Variants in TNKS observed in about 807,000 individuals in gnomAD.
TNKS encodes the protein tankyrase.
Under a neutral mutation model 135.8 loss-of-function variants are expected in TNKS, and 72 were observed. The ratio of observed to expected loss-of-function variants is 0.53; its 90% CI spans 0.44 to 0.64. The LOEUF (loss-of-function observed/expected upper bound fraction) is 0.64. Ranked by LOEUF, TNKS falls within the 30% of genes least tolerant of loss-of-function variation. The pLI, the probability that TNKS is intolerant of heterozygous loss-of-function variation, is 0.00. For synonymous variants in TNKS, 849 were observed against 649.3 expected (o/e 1.31, Z -4.68); for missense variants, 1,769 against 1,674.0 (o/e 1.06, Z -0.99).
At position 9,733,337 on chromosome 8, in the gene TNKS, T is replaced by C; in HGVS notation, c.2206T>C (p.Leu736=). The C allele has an allele frequency of 6.2e-7, 1 of 1,607,862 alleles. No individual in the cohort carries two copies. Among genetic ancestry groups the C allele is most frequent in the Non-Finnish European group, 8.5e-7 (1 of 1,178,276 alleles). Reference sequence around the variant, plus strand: ...TGGACACTATGAGGTGGCTGAGCTTTTAGTAAGGCATGGGGCTTCTGTCAA... The same window carrying C: ...TGGACACTATGAGGTGGCTGAGCTTCTAGTAAGGCATGGGGCTTCTGTCAA... ...SYGHYEVAEL[L]VRHGASVNVA... is the part of the protein sequence containing the mutation. The change falls in exon 15 of 27, where the codon TTA becomes CTA. Residue 736 remains leucine, a synonymous_variant. Coordinates refer to ENST00000310430, the MANE Select transcript of TNKS (RefSeq NM_003747.3).
At chr8:9,643,440 G>A (rs575406332) in intron 3 of TNKS, among the ~76,000 whole-genome samples, 5 of 113,600 alleles carry the variant, frequency 4.4e-5, no homozygotes, top group Admixed American at 1.1e-4. Flanking sequence ...TGGCTTCTGC[G>A]ATAATAGCAT....
rs749980147 is a variant in TNKS at position 9,733,363 on chromosome 8, T to C, written c.2232T>C (p.Asn744=). Residue 744 remains asparagine, a synonymous_variant, in exon 15 of 27, where the codon AAT becomes AAC. Transcript: ENST00000310430. ...TAGTAAGGCATGGGGCTTCTGTCAA[T>C]GTGGCGGACTTATGGAAATTTACCC... ...ELLVRHGASV[N]VADLWKFTPL... is the part of the protein sequence containing the mutation. The C allele has an allele frequency of 1.3e-5, 21 of 1,612,962 alleles. No individual in the cohort carries two copies. Among genetic ancestry groups the C allele is most frequent in the South Asian group, 3.3e-5 (3 of 90,846 alleles).
chr8:9,575,324 A>T (rs1797906614), intron 1 of TNKS: 1 of 863,240 alleles, frequency 1.2e-6, no homozygotes, highest in African/African-American at 1.8e-5. Context: ...TGACCTCGTG[A>T]TCCGCCTGCT....
chr8:9,761,977 C>T (rs1202970906), intron 21 of TNKS, among the ~76,000 whole-genome samples: 1 of 152,214 alleles, frequency 6.6e-6, no homozygotes, highest in Non-Finnish European at 1.5e-5. Context: ...CTTCCTGCTT[C>T]CTTCCAGTAC....
intron 12 of TNKS, among the ~76,000 whole-genome samples, chr8:9,724,977 A>G (rs889093650): frequency 5.3e-5 from 4 of 75,318 alleles, no homozygotes; most frequent in Non-Finnish European, 1.4e-4. Flanking sequence ...TACATAAACA[A>G]TTGTCTCTTT....
At chr8:9,741,910 T>C (rs1271041605) in intron 17 of TNKS, 1 of 230,080 alleles carries the variant, frequency 4.3e-6, no homozygotes, top group Non-Finnish European at 9.8e-6. Context: ...CCCCTTCTCC[T>C]TTTCTAACTC....
chr8:9,601,210 T>C (rs182791330), intron 2 of TNKS, among the ~76,000 whole-genome samples: 1 of 152,338 alleles, frequency 6.6e-6, no homozygotes, highest in East Asian at 1.9e-4. Flanking sequence ...TAAATATTCC[T>C]GTTGTTAAGG....
At chr8:9,642,919 G>C (rs1800775964) in intron 3 of TNKS, among the ~76,000 whole-genome samples, 1 of 146,044 alleles carries the variant, frequency 6.8e-6, no homozygotes, top group Non-Finnish European at 1.5e-5. Context: ...TTGTTATAAA[G>C]TAACTGATTA....
intron 21 of TNKS, among the ~76,000 whole-genome samples, chr8:9,762,862 G>A (rs146228171): frequency 1.3e-5 from 2 of 149,820 alleles, no homozygotes; most frequent in Admixed American, 6.7e-5. Context: ...CCGAGATCAC[G>A]TCACTGCACT....
chr8:9,620,401 C>T (rs1435226616), intron 3 of TNKS, among the ~76,000 whole-genome samples: 1 of 152,194 alleles, frequency 6.6e-6, no homozygotes. Context: ...GCAGTAGCCT[C>T]ATAATGGATC....
At chr8:9,695,758 G>C (rs1304843923) in intron 5 of TNKS, among the ~76,000 whole-genome samples, 1 of 152,172 alleles carries the variant, frequency 6.6e-6, no homozygotes. Flanking sequence ...GAAGTGATTG[G>C]ATTCTGGATA....
chr8:9,597,743 A>G (rs1001202048), intron 2 of TNKS, among the ~76,000 whole-genome samples: 2 of 152,192 alleles, frequency 1.3e-5, no homozygotes, highest in Non-Finnish European at 2.9e-5. Context: ...AAGAGACATC[A>G]CAGTTGCTGT....
At chr8:9,601,137 CAG>C (rs989210682) in intron 2 of TNKS, among the ~76,000 whole-genome samples, 1 of 152,106 alleles carries the variant, frequency 6.6e-6, no homozygotes, top group Non-Finnish European at 1.5e-5. Flanking sequence ...AATACTAAAA[CAG>C]TGTAGAAATG....
intron 1 of TNKS, among the ~76,000 whole-genome samples, chr8:9,574,583 A>C (rs1302049990): frequency 1.3e-5 from 2 of 152,184 alleles, no homozygotes; most frequent in Non-Finnish European, 2.9e-5. Context: ...ATGGTTTCCC[A>C]CATACTTACA....
intron 2 of TNKS, 105 bp downstream of exon 2, chr8:9,580,488 C>A: frequency 1.0e-6 from 1 of 995,008 alleles, no homozygotes; most frequent in Non-Finnish European, 1.5e-6. Context: ...GGGTTTATTG[C>A]TTCTTGTAGA....
rs1330212795 is a variant in TNKS, at chr8:9,779,735, A to C, written c.*2999A>C. On this transcript the variant is annotated 3_prime_UTR_variant, in exon 27 of 27. Coordinates refer to ENST00000310430, the MANE Select transcript of TNKS (RefSeq NM_003747.3). ...TGTATCACAACCAGGAATGGGTATT[A>C]GGCCTCATGCGCTTTGCTCAGAACA... 6 of 152,238 alleles carry C rather than the reference A, an allele frequency of 3.9e-5. No individual in the cohort carries two copies. In the East Asian group the frequency reaches 1.2e-3, roughly 29 times the overall value. The allele number at this position is 152,238 out of a possible 1,614,324, so 9.4% of individuals were successfully genotyped here.
chr8:9,664,914 G>A (rs1801918541), intron 3 of TNKS, among the ~76,000 whole-genome samples: 1 of 152,132 alleles, frequency 6.6e-6, no homozygotes, highest in Non-Finnish European at 1.5e-5. Flanking sequence ...CCTATGTGCT[G>A]TCTGCCATTA....
At chr8:9,558,137 A>G (rs972774644) in intron 1 of TNKS, 1 of 152,236 alleles carries the variant, frequency 6.6e-6, no homozygotes, top group Admixed American at 6.5e-5. Context: ...TTCTGGAAAC[A>G]ATACTTTCCC....
chr8:9,597,626 T>C lies in TNKS; in HGVS notation c.898+17243T>C, dbSNP rs891048176. ...AACATTTTCCCCACAAATATTTCAATAGCAGGGGTATCGTGGTTTGCTGTA... is the reference window on the plus strand; with the variant it reads ...AACATTTTCCCCACAAATATTTCAACAGCAGGGGTATCGTGGTTTGCTGTA... On this transcript the variant is annotated intron_variant, in intron 2 of 26. Coordinates refer to ENST00000310430, the MANE Select transcript of TNKS (RefSeq NM_003747.3). Among the ~76,000 whole-genome samples, 4 of 152,210 alleles carry C rather than the reference T, an allele frequency of 2.6e-5. No individual in the cohort carries two copies. In the East Asian group the frequency reaches 5.8e-4, roughly 22 times the overall value.
Sources: allele counts gnomAD v4.1 joint callset (sites outside exome capture counted in the v4.1 genomes callset), GRCh38; gene constraint gnomAD v4.1.1; transcripts MANE v1.5; gene names NCBI Gene and HGNC (gene_info 2026-07-23, HGNC 2026-07-21).